The following GREB1L variants were observed in gnomAD, a reference collection of about 807,000 sequenced individuals.
GREB1L encodes the protein GREB1-like protein.
GREB1L carries 17 observed loss-of-function variants against 200.8 expected under a neutral mutation model. The observed-to-expected ratio is 0.08, with a 90% CI of 0.06 to 0.13. The LOEUF (loss-of-function observed/expected upper bound fraction) is 0.13. GREB1L is among the 10% of genes least tolerant of loss of function. The pLI is 1.00. For missense variants in GREB1L, 1,657 were observed against 2,367.7 expected (o/e 0.70, Z 6.23); for synonymous variants, 789 against 893.0 (o/e 0.88, Z 2.08).
rs2037670268 is a variant in GREB1L at position 21,525,498 on chromosome 18, A to C, written c.*2677A>C. The C allele has an allele frequency of 6.6e-6, 1 of 152,170 alleles. No homozygotes were observed. Among genetic ancestry groups the C allele is most frequent in the African/African-American group, 2.4e-5 (1 of 41,444 alleles). The allele number at this position is 152,170 out of a possible 1,614,324, so 9.4% of individuals were successfully genotyped here. ...CCCTGACTCTGGCAATGTCCTAAAA[A>C]GGCTGGAAGTCAGTCACATTATAGG... On this transcript the variant is annotated 3_prime_UTR_variant, in exon 33 of 33. Transcript: ENST00000424526.
At chr18:21,289,786 A>G (rs552994791) in intron 1 of GREB1L, among the ~76,000 whole-genome samples, 3 of 152,200 alleles carry the variant, frequency 2.0e-5, no homozygotes, top group South Asian at 2.1e-4. Flanking sequence ...TCAGAATTGT[A>G]TATTTGTCCA....
chr18:21,243,388 G>A (rs2037539069), intron 1 of GREB1L, among the ~76,000 whole-genome samples: 1 of 152,178 alleles, frequency 6.6e-6, no homozygotes, highest in African/African-American at 2.4e-5. Context: ...TGAACGTGAC[G>A]GTTCCAAGGT....
chr18:21,430,897 C>CT lies in GREB1L; in HGVS notation c.833-8616dup, dbSNP rs61584333. Among the ~76,000 whole-genome samples, 1,195 of 150,102 alleles carry CT rather than the reference C, an allele frequency of 8.0e-3. 12 individuals are homozygous for CT. The highest frequency in any genetic ancestry group is 0.028 in the African/African-American group (1,141 of 40,976). ...AGGCGTGAGCCACCGCACCTGGCCT[C>CT]TTTTTTTTAATATAGGCATTTACAG... On this transcript the variant is annotated intron_variant, in intron 7 of 32. Coordinates refer to ENST00000424526, the MANE Select transcript of GREB1L (RefSeq NM_001142966.3).
At chr18:21,372,496 A>AT (rs199516275) in intron 2 of GREB1L, among the ~76,000 whole-genome samples, 1,568 of 151,584 alleles carry the variant, frequency 0.01, 29 homozygotes, top group African/African-American at 0.036. Flanking sequence ...TTTTTTTGCA[A>AT]TTTTTTTTGT....
intron 7 of GREB1L, among the ~76,000 whole-genome samples, chr18:21,430,874 G>T (rs2033095049): frequency 6.6e-6 from 1 of 151,594 alleles, no homozygotes; most frequent in African/African-American, 2.4e-5. Flanking sequence ...GGGATTACAG[G>T]CGTGAGCCAC....
intron 1 of GREB1L, among the ~76,000 whole-genome samples, chr18:21,305,006 G>A (rs2038678157): frequency 6.6e-6 from 1 of 150,608 alleles, no homozygotes; most frequent in African/African-American, 2.4e-5. Context: ...TCCAGACAGA[G>A]TGTCGCTCTG....
chr18:21,329,950 C>T (rs538292594), intron 1 of GREB1L, among the ~76,000 whole-genome samples: 12 of 142,016 alleles, frequency 8.4e-5, no homozygotes, highest in African/African-American at 3.2e-4. Context: ...CTCCTCTTTA[C>T]CCACAATGGT....
intron 7 of GREB1L, among the ~76,000 whole-genome samples, chr18:21,438,975 A>AAAAAAAG (rs1426583915): frequency 6.9e-6 from 1 of 144,972 alleles, no homozygotes; most frequent in African/African-American, 2.6e-5. Context: ...AAAAAAAAAA[A>AAAAAAAG]AAAAGAAAAG....
At chr18:21,485,461 C>T in intron 17 of GREB1L, 159 bp from the exon 18 acceptor site, 1 of 559,548 alleles carries the variant, frequency 1.8e-6, no homozygotes, top group Non-Finnish European at 3.1e-6. Flanking sequence ...TCAGAGATGA[C>T]TGCAGAGTTG....
chr18:21,441,690 A>T (rs1347549377), intron 10 of GREB1L, among the ~76,000 whole-genome samples, 153 bp downstream of exon 10: 2 of 151,850 alleles, frequency 1.3e-5, no homozygotes, highest in Non-Finnish European at 2.9e-5. Flanking sequence ...TATATTAAAC[A>T]TGTGATTAGG....
intron 1 of GREB1L, among the ~76,000 whole-genome samples, chr18:21,312,349 A>C (rs1424646573): frequency 6.6e-6 from 1 of 152,122 alleles, no homozygotes; most frequent in East Asian, 1.9e-4. Context: ...CCCAGTAATG[A>C]AATTGCTGGG....
chr18:21,321,167 G>A (rs1418304624), intron 1 of GREB1L, among the ~76,000 whole-genome samples: 3 of 151,542 alleles, frequency 2.0e-5, no homozygotes, highest in Admixed American at 2.0e-4. Flanking sequence ...GGTGGCATGC[G>A]CCTGTAATCC....
At chr18:21,404,242 G>C (rs942957368) in intron 7 of GREB1L, among the ~76,000 whole-genome samples, 1 of 152,168 alleles carries the variant, frequency 6.6e-6, no homozygotes, top group African/African-American at 2.4e-5. Flanking sequence ...TTCTAGGGGA[G>C]ACTGACAGTA....
chr18:21,367,159 A>G (rs1348674969), intron 2 of GREB1L, among the ~76,000 whole-genome samples: 4 of 152,194 alleles, frequency 2.6e-5, no homozygotes, highest in Non-Finnish European at 5.9e-5. Flanking sequence ...TAGTAAAAGG[A>G]GCAGCCTCCT....
At chr18:21,497,021 G>T (rs1222230258) in intron 21 of GREB1L, among the ~76,000 whole-genome samples, 1 of 152,124 alleles carries the variant, frequency 6.6e-6, no homozygotes, top group Non-Finnish European at 1.5e-5. Flanking sequence ...TCTCATATTT[G>T]CACAAAGGCC....
chr18:21,398,809 C>G (rs2041192335), intron 5 of GREB1L, among the ~76,000 whole-genome samples: 2 of 151,982 alleles, frequency 1.3e-5, no homozygotes, highest in African/African-American at 2.4e-5. Flanking sequence ...GTGCATGTGC[C>G]CCAAATCTAC....
chr18:21,308,693 T>G (rs1284769955), intron 1 of GREB1L, among the ~76,000 whole-genome samples: 1 of 152,270 alleles, frequency 6.6e-6, no homozygotes, highest in East Asian at 1.9e-4. Context: ...TAAACCTCTC[T>G]GATGCCCACT....
At chr18:21,283,911 G>C (rs1165852447) in intron 1 of GREB1L, among the ~76,000 whole-genome samples, 1 of 152,112 alleles carries the variant, frequency 6.6e-6, no homozygotes, top group Non-Finnish European at 1.5e-5. Flanking sequence ...CTATAGCCAG[G>C]GCATGACAAC....
In GREB1L at chr18:21,490,319, A is replaced by G; in HGVS notation, c.2998A>G (p.Ser1000Gly). The change falls in exon 19 of 33, where the codon AGT becomes GGT. Residue 1000 changes from serine to glycine, a missense_variant. By Grantham distance (56) the Ser-to-Gly change is moderately conservative. Transcript: ENST00000424526. The part of the protein sequence containing the change: ...IILGNPATEL[S>G]VATHFVARLK... ...CCTTGGGAACCCGGCCACCGAACTCAGTGTTGCAACTCACTTTGTGGCGCG... is the reference window on the plus strand; with the variant it reads ...CCTTGGGAACCCGGCCACCGAACTCGGTGTTGCAACTCACTTTGTGGCGCG... 1 of 1,551,792 alleles carries G rather than the reference A, an allele frequency of 6.4e-7. No homozygotes were observed. The highest frequency in any genetic ancestry group is 8.7e-7 in the Non-Finnish European group (1 of 1,146,922).
Sources: gnomAD v4.1 joint callset for allele counts (sites outside exome capture counted in the v4.1 genomes callset) on GRCh38, gnomAD v4.1.1 for gene constraint, MANE v1.5 for transcripts, NCBI Gene and HGNC (gene_info 2026-07-23, HGNC 2026-07-21) for gene names.